Variants in AFF3 observed in about 807,000 individuals in gnomAD.
AFF3 encodes the protein ALF transcription elongation factor 3, also known as AF4/FMR2 family member 3.
In AFF3, 32 loss-of-function variants were observed where a neutral mutation model predicts 129.7. The observed-to-expected ratio is 0.25, with a 90% CI of 0.19 to 0.33. The LOEUF (loss-of-function observed/expected upper bound fraction) is 0.33, where lower values mean the gene tolerates loss of function less well. Ranked by LOEUF, AFF3 falls within the 10% of genes least tolerant of loss-of-function variation. The pLI, the probability that AFF3 is intolerant of heterozygous loss-of-function variation, is 1.00. For synonymous variants in AFF3, 644 were observed against 635.4 expected, an observed-to-expected ratio of 1.01 and a Z score of -0.20; for missense variants, 1,373 against 1,592.0, an observed-to-expected ratio of 0.86 and a Z score of 2.34.
At chr2:99,683,151 T>C (rs1027691864) in intron 11 of AFF3, among the ~76,000 whole-genome samples, 3 of 152,106 alleles carry the variant, frequency 2.0e-5, no homozygotes, top group Non-Finnish European at 4.4e-5. Flanking sequence ...ATTAAGAGCA[T>C]GAGCTCTGCA....
At chr2:100,096,500 A>C (rs1205030853) in intron 4 of AFF3, among the ~76,000 whole-genome samples, 1 of 151,932 alleles carries the variant, frequency 6.6e-6, no homozygotes, top group African/African-American at 2.4e-5. Flanking sequence ...GGTGTCCCCA[A>C]AACAGGGAGA....
intron 7 of AFF3, among the ~76,000 whole-genome samples, chr2:99,956,337 G>T (rs1186348515): frequency 6.6e-6 from 1 of 152,038 alleles, no homozygotes; most frequent in Non-Finnish European, 1.5e-5. Context: ...TTGACGTGGG[G>T]GAAAAGTCTG....
At position 100,129,264 on chromosome 2, in the gene AFF3, A is replaced by G. The variant is rs1692320786; in HGVS notation, c.-185T>C. ...TCCGGATTGATGCTTCCCGATGTAA[A>G]CAATGGCTGATCGTAAGGTCTAAAT... is the stretch of plus-strand genomic sequence containing the variant. On this transcript the variant is annotated 5_prime_UTR_variant, in exon 2 of 25. Coordinates refer to ENST00000672756, the MANE Select transcript of AFF3 (RefSeq NM_001386135.1). The G allele has an allele frequency of 6.6e-6, 1 of 152,204 alleles. No individual in the cohort carries two copies. The highest frequency in any genetic ancestry group is 2.1e-4 in the South Asian group (1 of 4,826). The allele number at this position is 152,204 out of a possible 1,614,324, so 9.4% of individuals were successfully genotyped here. A position where few individuals can be genotyped will look rare whatever the true frequency, so the allele number is the denominator to read the frequency against.
At chr2:99,860,286 G>A (rs1381212301) in intron 7 of AFF3, among the ~76,000 whole-genome samples, 1 of 152,016 alleles carries the variant, frequency 6.6e-6, no homozygotes, top group Non-Finnish European at 1.5e-5. Context: ...TGGGCATGGT[G>A]CTCATGCCTG....
chr2:99,578,373 T>C lies in AFF3; in HGVS notation c.2872A>G (p.Asn958Asp), dbSNP rs773446934. 3 of 1,609,628 alleles carry C rather than the reference T, an allele frequency of 1.9e-6. No individual in the cohort carries two copies. The highest frequency in any genetic ancestry group is 1.7e-5 in the Admixed American group (1 of 58,838). ...TGCCTCTTGCAGTCCCTGTGGCCGT[T>C]GGAGCCTGGAGACCACGGCTTCGTC... Reference protein sequence around the residue: ...PQTKPWSPGSNGHRDCKRQKL... With the variant: ...PQTKPWSPGSDGHRDCKRQKL... Residue 958 changes from asparagine (N) to aspartate (D), a missense_variant, in exon 18 of 25, where the codon AAC (asparagine) becomes GAC (aspartate). Physicochemically the swap from Asn to Asp is conservative, Grantham distance 23 (BLOSUM62 1). Coordinates refer to ENST00000672756, the MANE Select transcript of AFF3 (RefSeq NM_001386135.1).
At chr2:99,672,176 T>TCACACACA (rs55867427) in intron 12 of AFF3, among the ~76,000 whole-genome samples, 485 of 37,028 alleles carry the variant, frequency 0.013, 6 homozygotes, top group Middle Eastern at 0.032. Context: ...CCAGTTAGCT[T>TCACACACA]CTCACACACA....
At chr2:99,941,013 T>C (rs905649676) in intron 7 of AFF3, among the ~76,000 whole-genome samples, 7 of 151,958 alleles carry the variant, frequency 4.6e-5, no homozygotes, top group African/African-American at 1.7e-4. Flanking sequence ...GGAGAGGAAA[T>C]CAGAAAAGGC....
chr2:99,560,694 C>T (rs1014021196), intron 20 of AFF3, among the ~76,000 whole-genome samples: 10 of 152,112 alleles, frequency 6.6e-5, no homozygotes, highest in East Asian at 1.9e-4. Context: ...TACAGATTGT[C>T]GGGAGTGATA....
chr2:100,043,755 T>C (rs572574123), intron 4 of AFF3, among the ~76,000 whole-genome samples: 105 of 152,366 alleles, frequency 6.9e-4, no homozygotes, highest in Non-Finnish European at 1.3e-3. Context: ...TCTATTCATG[T>C]GCATCCATTT....
chr2:99,908,251 T>C (rs1558965684), intron 7 of AFF3, among the ~76,000 whole-genome samples: 1 of 152,150 alleles, frequency 6.6e-6, no homozygotes, highest in Non-Finnish European at 1.5e-5. Flanking sequence ...TAATAAATGG[T>C]GCTGGGAAAA....
At chr2:99,774,423 C>T (rs1211348004) in intron 8 of AFF3, among the ~76,000 whole-genome samples, 1 of 151,952 alleles carries the variant, frequency 6.6e-6, no homozygotes, top group Non-Finnish European at 1.5e-5. Context: ...AATAGAGAAC[C>T]CAGAAATAAG....
intron 13 of AFF3, among the ~76,000 whole-genome samples, chr2:99,618,847 C>T (rs573506074): frequency 6.6e-6 from 1 of 152,310 alleles, no homozygotes. Context: ...TCTTTTGTTT[C>T]CATAAACCTG....
chr2:100,048,095 T>C (rs1685982844), intron 4 of AFF3, among the ~76,000 whole-genome samples: 1 of 152,236 alleles, frequency 6.6e-6, no homozygotes, highest in African/African-American at 2.4e-5. Context: ...TCTCACCCTT[T>C]GTCAGAACTG....
chr2:99,811,908 C>T (rs1182288272), intron 8 of AFF3, among the ~76,000 whole-genome samples: 1 of 152,250 alleles, frequency 6.6e-6, no homozygotes, highest in Non-Finnish European at 1.5e-5. Context: ...TAGCTACGTA[C>T]CTGAACACAG....
At chr2:99,774,029 G>A (rs1277099623) in intron 8 of AFF3, among the ~76,000 whole-genome samples, 1 of 152,134 alleles carries the variant, frequency 6.6e-6, no homozygotes, top group African/African-American at 2.4e-5. Flanking sequence ...AGCTAACAGG[G>A]GAAGTGAAGG....
At chr2:100,044,159 C>A (rs982158380) in intron 4 of AFF3, among the ~76,000 whole-genome samples, 5 of 152,196 alleles carry the variant, frequency 3.3e-5, no homozygotes, top group African/African-American at 7.2e-5. Context: ...CTGCACCTTA[C>A]CCTACTTCAG....
At chr2:99,890,123 T>G (rs561384224) in intron 7 of AFF3, among the ~76,000 whole-genome samples, 2 of 152,192 alleles carry the variant, frequency 1.3e-5, no homozygotes, top group African/African-American at 4.8e-5. Context: ...ACATTCTGTG[T>G]GAATTTGGTA....
chr2:100,031,960 C>T (rs537567893), intron 4 of AFF3, among the ~76,000 whole-genome samples: 2 of 152,184 alleles, frequency 1.3e-5, no homozygotes, highest in Non-Finnish European at 1.5e-5. Flanking sequence ...ATCTCACAAA[C>T]ATAATATTGA....
intron 4 of AFF3, among the ~76,000 whole-genome samples, chr2:100,019,676 G>C (rs909265804): frequency 1.3e-5 from 2 of 152,198 alleles, no homozygotes; most frequent in African/African-American, 2.4e-5. Context: ...ATCTGGAAGA[G>C]AACACAGAGC....
Sources: allele counts gnomAD v4.1 joint callset (sites outside exome capture counted in the v4.1 genomes callset), GRCh38; gene constraint gnomAD v4.1.1; transcripts MANE v1.5; gene names NCBI Gene and HGNC (gene_info 2026-07-23, HGNC 2026-07-21).